Variants in SOX5 observed in about 807,000 individuals in gnomAD.
The protein encoded by SOX5 is transcription factor SOX-5.
Under a neutral mutation model 92.0 loss-of-function variants are expected in SOX5, and 9 were observed. The observed-to-expected ratio is 0.10, with a 90% confidence interval of 0.06 to 0.17. SOX5 has a LOEUF of 0.17. Ranked by LOEUF, SOX5 falls within the 10% of genes least tolerant of loss-of-function variation. The probability of loss-of-function intolerance (pLI) is 1.00; values close to 1 mark genes in which losing one functional copy is unlikely to be tolerated. For missense variants in SOX5, 642 were observed against 944.5 expected (o/e 0.68, Z 4.20); for synonymous variants, 344 against 336.3 (o/e 1.02, Z -0.25).
At chr12:24,374,403 T>G (rs960888345) in intron 1 of SOX5, among the ~76,000 whole-genome samples, 3 of 152,124 alleles carry the variant, frequency 2.0e-5, no homozygotes, top group African/African-American at 7.2e-5. Context: ...ACGTCTGGAT[T>G]GACTGAGTTA....
intron 6 of SOX5, among the ~76,000 whole-genome samples, chr12:23,731,294 C>A (rs1475465495): frequency 6.6e-6 from 1 of 152,170 alleles, no homozygotes; most frequent in East Asian, 1.9e-4. Context: ...TTGCAGAAGG[C>A]CTGTTGCAGA....
intron 2 of SOX5, among the ~76,000 whole-genome samples, chr12:23,884,743 A>C (rs1004002665): frequency 2.0e-5 from 3 of 152,222 alleles, no homozygotes; most frequent in African/African-American, 7.2e-5. Flanking sequence ...CATTTTAACT[A>C]TCCAAGAATG....
At chr12:24,419,838 T>G (rs1037319654) in intron 1 of SOX5, among the ~76,000 whole-genome samples, 1 of 152,090 alleles carries the variant, frequency 6.6e-6, no homozygotes, top group Non-Finnish European at 1.5e-5. Flanking sequence ...CATATCCAAC[T>G]GAAATACCAT....
intron 3 of SOX5, among the ~76,000 whole-genome samples, chr12:24,254,835 T>C (rs114231674): frequency 0.032 from 4,873 of 152,102 alleles, 254 homozygotes; most frequent in African/African-American, 0.11. Context: ...TTTATATTCT[T>C]CTTTCTGTCT....
intron 4 of SOX5, among the ~76,000 whole-genome samples, chr12:23,976,131 G>T (rs1197583082): frequency 1.3e-5 from 2 of 152,046 alleles, no homozygotes; most frequent in East Asian, 3.9e-4. Context: ...AATTCCATCA[G>T]ATTGTAGAAC....
At chr12:23,916,343 A>C (rs1011337922) in intron 1 of SOX5, among the ~76,000 whole-genome samples, 3 of 152,220 alleles carry the variant, frequency 2.0e-5, no homozygotes, top group African/African-American at 7.2e-5. Flanking sequence ...CATTTGGCAA[A>C]AGAAAATCAA....
intron 1 of SOX5, among the ~76,000 whole-genome samples, chr12:24,519,293 T>C (rs754411435): frequency 2.0e-5 from 3 of 152,134 alleles, no homozygotes; most frequent in Admixed American, 1.3e-4. Context: ...GTCTCCCCAG[T>C]GAACTTACTT....
chr12:23,847,877 G>T (rs2096592028), intron 2 of SOX5, among the ~76,000 whole-genome samples: 2 of 151,978 alleles, frequency 1.3e-5, no homozygotes, highest in Admixed American at 6.6e-5. Context: ...CACGTTAAGT[G>T]AAGGTACACT....
intron 1 of SOX5, among the ~76,000 whole-genome samples, chr12:24,498,460 A>G (rs1157405102): frequency 1.3e-5 from 2 of 152,166 alleles, no homozygotes; most frequent in Admixed American, 1.3e-4. Flanking sequence ...TCAAAAGATC[A>G]TGAGCTTGGC....
At chr12:24,486,551 T>C (rs960390989) in intron 1 of SOX5, among the ~76,000 whole-genome samples, 1 of 152,174 alleles carries the variant, frequency 6.6e-6, no homozygotes, top group African/African-American at 2.4e-5. Context: ...AGGTACCTTG[T>C]CCCCTCTGGC....
intron 1 of SOX5, among the ~76,000 whole-genome samples, chr12:24,472,471 T>C (rs1944918013): frequency 1.3e-5 from 2 of 152,202 alleles, no homozygotes; most frequent in African/African-American, 4.8e-5. Context: ...AAGAGGATGT[T>C]CAAAGATAAA....
In SOX5 at chr12:23,780,437, G is replaced by GT. The variant is rs983430475; in HGVS notation, c.482-24714dup. Among the ~76,000 whole-genome samples the GT allele has an allele frequency of 5.8e-3, 811 of 141,000 alleles. 3 individuals carry two copies. The highest frequency in any genetic ancestry group is 6.7e-3 in the Non-Finnish European group (428 of 64,064). 92.5% of individuals were successfully genotyped at this position (141,000 alleles called of 152,430 possible). On this transcript the variant is annotated intron_variant, in intron 3 of 14. Transcript: ENST00000451604. ...CTTACAATGTAGTGAGAGGTTTTTT[G>GT]TTTTTTTTTTTAGCTGATATGCATG...
chr12:24,281,237 GAAAAAAA>G (rs71448005), intron 2 of SOX5, among the ~76,000 whole-genome samples: 1 of 97,234 alleles, frequency 1.0e-5, no homozygotes, highest in South Asian at 3.6e-4. Flanking sequence ...TTACCAAAAG[GAAAAAAA>G]AAAAAAAAAA....
At chr12:24,113,277 C>T (rs1045847495) in intron 4 of SOX5, among the ~76,000 whole-genome samples, 1 of 139,202 alleles carries the variant, frequency 7.2e-6, no homozygotes, top group Non-Finnish European at 1.6e-5. Context: ...AAAAAAAGAG[C>T]TAAAAGTGCA....
chr12:23,920,705 G>C (rs970900660), intron 1 of SOX5: 1 of 152,146 alleles, frequency 6.6e-6, no homozygotes, highest in African/African-American at 2.4e-5. Context: ...TGGGAGAAAA[G>C]AAGTATGTTA....
chr12:24,302,669 T>A (rs904201669), intron 2 of SOX5, among the ~76,000 whole-genome samples: 1 of 152,090 alleles, frequency 6.6e-6, no homozygotes, highest in African/African-American at 2.4e-5. Flanking sequence ...AGTTTTAATA[T>A]GGCTGGAAGT....
At chr12:23,850,188 T>G (rs1403646164) in intron 2 of SOX5, among the ~76,000 whole-genome samples, 1 of 152,112 alleles carries the variant, frequency 6.6e-6, no homozygotes, top group African/African-American at 2.4e-5. Flanking sequence ...CCCAGCACTT[T>G]GGGAGACCAA....
At chr12:24,550,804 A>C (rs1953078395) in intron 1 of SOX5, among the ~76,000 whole-genome samples, 1 of 152,210 alleles carries the variant, frequency 6.6e-6, no homozygotes, top group South Asian at 2.1e-4. Flanking sequence ...TTGTATTGCT[A>C]ATTCTTTACA....
chr12:23,614,947 G>A (rs1275086169), intron 8 of SOX5, among the ~76,000 whole-genome samples: 2 of 152,118 alleles, frequency 1.3e-5, no homozygotes, highest in Admixed American at 6.5e-5. Context: ...GATTACAGGC[G>A]TGTGCCACCG....
Sources: gnomAD v4.1 joint callset for allele counts (sites outside exome capture counted in the v4.1 genomes callset) on GRCh38, gnomAD v4.1.1 for gene constraint, MANE v1.5 for transcripts, NCBI Gene and HGNC (gene_info 2026-07-23, HGNC 2026-07-21) for gene names.